Variants in AGA observed in about 807,000 individuals in gnomAD.
AGA encodes the protein aspartylglucosaminidase.
Under a neutral mutation model 40.1 loss-of-function variants are expected in AGA, and 31 were observed. The observed-to-expected ratio is 0.77, with a 90% CI of 0.58 to 1.04. The LOEUF (loss-of-function observed/expected upper bound fraction) is 1.04. AGA is among the 50% of genes least tolerant of loss of function. The pLI, the probability that AGA is intolerant of heterozygous loss-of-function variation, is 0.00. For missense variants in AGA, 445 were observed against 435.4 expected (o/e 1.02, Z -0.20); for synonymous variants, 148 against 144.0 (o/e 1.03, Z -0.20).
At position 177,442,341 on chromosome 4, in the gene AGA, A is replaced by G; in HGVS notation, c.35T>C (p.Val12Ala). The stretch of plus-strand genomic sequence containing the variant: ...TAGGGCCTGGCAGAGCAGAAACGGC[A>G]CGAGAAGCACAGGCAAGTTCGACTT... Reference protein sequence around the residue: ...ARKSNLPVLLVPFLLCQALVR... With the variant: ...ARKSNLPVLLAPFLLCQALVR... Residue 12 changes from valine (V) to alanine (A), a missense_variant, in exon 1 of 9, where the codon GTG becomes GCG. By Grantham distance (64) the Val-to-Ala change is moderately conservative. Coordinates refer to ENST00000264595, the MANE Select transcript of AGA (RefSeq NM_000027.4). 6.2e-7 allele frequency: 1 copy of G among 1,614,106 alleles called. No homozygotes were observed. The highest frequency in any genetic ancestry group is 8.5e-7 in the Non-Finnish European group (1 of 1,179,946).
chr4:177,432,420 T>G (rs1736661414), intron 8 of AGA, among the ~76,000 whole-genome samples: 2 of 152,210 alleles, frequency 1.3e-5, no homozygotes, highest in South Asian at 4.1e-4. Flanking sequence ...AAGGTTTATT[T>G]CTTAAGAGGG....
Position 177,439,632 on chromosome 4 carries a change from C to A in AGA, c.338G>T (p.Gly113Val). The A allele has an allele frequency of 6.2e-7, 1 of 1,612,746 alleles. No individual in the cohort carries two copies. Among genetic ancestry groups the A allele is most frequent in the Non-Finnish European group, 8.5e-7 (1 of 1,179,180 alleles). Residue 113 changes from glycine (G) to valine (V), a missense_variant, in exon 3 of 9, where the codon GGT becomes GTT. Transcript: ENST00000264595. ...GDLRRIKNAIGVARKVLEHTT... is the reference protein window; with the variant it reads ...GDLRRIKNAIVVARKVLEHTT... ...ATGTTCCAGTACTTTCCGTGCCACA[C>A]CAATAGCATTTTTAATTCGTCTGAG...
chr4:177,431,808 C>T lies in AGA; in HGVS notation c.941G>A (p.Gly314Asp). The T allele has an allele frequency of 1.2e-6, 2 of 1,612,796 alleles. No individual in the cohort carries two copies. Among genetic ancestry groups the T allele is most frequent in the African/African-American group, 1.3e-5 (1 of 74,968 alleles). The change falls in exon 9 of 9, where the codon GGT becomes GAT. Residue 314 changes from glycine to aspartate, a missense_variant and splice_region_variant. Transcript: ENST00000264595. ...TGTTGAAAGTTTATTGCAAGCAGCA[C>T]CTGGGGCCAAAAATGAGAAAGAAGT... ...VICANVTGSYGAACNKLSTFT... is the reference protein window; with the variant it reads ...VICANVTGSYDAACNKLSTFT...
rs1203635667 is a variant in AGA, at chr4:177,430,869, G to A, written c.*839C>T. 4.4e-6 allele frequency: 2 copies of A among 453,986 alleles called. No individual in the cohort carries two copies. Among genetic ancestry groups the A allele is most frequent in the African/African-American group, 2.0e-5 (1 of 50,008 alleles). The allele number at this position is 453,986 out of a possible 1,614,324, so 28.1% of individuals were successfully genotyped here. A position where few individuals can be genotyped will look rare whatever the true frequency, so the allele number is the denominator to read the frequency against. ...CTGAGAAAGCACGCGCACAACTTCT[G>A]TAGAGTTGTCATACAGAGAGTTAAT... On this transcript the variant is annotated 3_prime_UTR_variant, in exon 9 of 9. Transcript: ENST00000264595.
intron 7 of AGA, 42 bp downstream of exon 7, chr4:177,434,340 T>C: frequency 6.4e-7 from 1 of 1,561,258 alleles, no homozygotes; most frequent in Non-Finnish European, 8.8e-7. Context: ...AAAAAATATC[T>C]TCTCCAAAGG....
intron 6 of AGA, among the ~76,000 whole-genome samples, chr4:177,435,558 T>C (rs895073507): frequency 2.0e-5 from 3 of 152,198 alleles, no homozygotes; most frequent in Non-Finnish European, 4.4e-5. Context: ...TACCAGATTT[T>C]TTTCTAGTAA....
Position 177,431,794 on chromosome 4 carries a change from T to G in AGA, c.955A>C (p.Lys319Gln). The G allele has an allele frequency of 6.2e-7, 1 of 1,613,876 alleles. No individual in the cohort carries two copies. The highest frequency in any genetic ancestry group is 8.5e-7 in the Non-Finnish European group (1 of 1,179,806). The change falls in exon 9 of 9, where the codon AAA (lysine) becomes CAA (glutamine). Residue 319 changes from lysine to glutamine, a missense_variant. Lys to Gln is a moderately conservative substitution (Grantham distance 53). Coordinates refer to ENST00000264595, the MANE Select transcript of AGA (RefSeq NM_000027.4). ...CTAAACTGAGTAAATGTTGAAAGTT[T>G]ATTGCAAGCAGCACCTGGGGCCAAA... Reference protein sequence around the residue: ...VTGSYGAACNKLSTFTQFSFM... With the variant: ...VTGSYGAACNQLSTFTQFSFM...
intron 1 of AGA, among the ~76,000 whole-genome samples, chr4:177,441,392 G>A (rs1737004401): frequency 6.6e-6 from 1 of 152,142 alleles, no homozygotes; most frequent in South Asian, 2.1e-4. Flanking sequence ...AACCTCAGAT[G>A]GAGGAGGAGG....
At chr4:177,434,302 C>T (rs758868542) in intron 7 of AGA, 80 bp downstream of exon 7, 176 of 1,367,868 alleles carry the variant, frequency 1.3e-4, no homozygotes, top group Middle Eastern at 1.8e-4. Flanking sequence ...TGCACCCAGC[C>T]TCAAAAATTA....
At chr4:177,438,283 G>T (rs1387859137) in intron 4 of AGA, among the ~76,000 whole-genome samples, 1 of 152,072 alleles carries the variant, frequency 6.6e-6, no homozygotes, top group Non-Finnish European at 1.5e-5. Context: ...AAGGCAAACT[G>T]ATTTATGCCA....
At chr4:177,434,743 ATGGTG>A (rs1736753111) in intron 6 of AGA, among the ~76,000 whole-genome samples, 1 of 152,112 alleles carries the variant, frequency 6.6e-6, no homozygotes, top group Admixed American at 6.6e-5. Context: ...AGAGACTAAA[ATGGTG>A]GTTACTGGAG....
In AGA at chr4:177,439,565, T is replaced by TA. The variant is rs761207366; in HGVS notation, c.394+10dup. The TA allele has an allele frequency of 2.1e-5, 34 of 1,597,016 alleles. No individual in the cohort carries two copies. The highest frequency in any genetic ancestry group is 1.6e-4 in the African/African-American group (12 of 74,458). Reference sequence around the variant, plus strand: ...AGACTAGAAAAAATTTCAGTGTAGTTAAAAAAATACCTGACTCTCCTACTA... The same window carrying TA: ...AGACTAGAAAAAATTTCAGTGTAGTTAAAAAAAATACCTGACTCTCCTACTA... On this transcript the variant is annotated intron_variant, in intron 3 of 8. Coordinates refer to ENST00000264595, the MANE Select transcript of AGA (RefSeq NM_000027.4).
chr4:177,439,741 G>C (rs189207102), intron 2 of AGA, 53 bp from the exon 3 acceptor site: 3 of 1,314,046 alleles, frequency 2.3e-6, no homozygotes, highest in Admixed American at 3.4e-5. Context: ...GAGGTTCATA[G>C]ATTAAAAACA....
At position 177,437,837 on chromosome 4, in the gene AGA, A is replaced by G. The variant is rs1297746832; in HGVS notation, c.508-318T>C. On this transcript the variant is annotated intron_variant, in intron 4 of 8. Coordinates refer to ENST00000264595, the MANE Select transcript of AGA (RefSeq NM_000027.4). ...ATAGTAAAATTTTTTAAAATTAGAT[A>G]TTAATCCTTAAAGAAATTAGATACA... Among the ~76,000 whole-genome samples the G allele has an allele frequency of 2.0e-5, 3 of 152,316 alleles. No homozygotes were observed. In the East Asian group the frequency reaches 5.8e-4, roughly 29 times the overall value.
chr4:177,434,744 T>C (rs756207936), intron 6 of AGA, among the ~76,000 whole-genome samples: 2 of 152,024 alleles, frequency 1.3e-5, no homozygotes, highest in Non-Finnish European at 2.9e-5. Flanking sequence ...GAGACTAAAA[T>C]GGTGGTTACT....
chr4:177,434,317 C>T lies in AGA; in HGVS notation c.806+65G>A, dbSNP rs1041775869. The T allele has an allele frequency of 2.7e-6, 4 of 1,482,404 alleles. No individual in the cohort carries two copies. In the African/African-American group the frequency reaches 5.5e-5, roughly 21 times the overall value. The allele number at this position is 1,482,404 out of a possible 1,614,324, so 91.8% of individuals were successfully genotyped here. On this transcript the variant is annotated intron_variant, in intron 7 of 8. Coordinates refer to ENST00000264595, the MANE Select transcript of AGA (RefSeq NM_000027.4). The stretch of plus-strand genomic sequence containing the variant: ...TGCACCCAGCCTCAAAAATTATTTT[C>T]TATCTTAAAAGAAAAAAATATCTTC...
intron 8 of AGA, among the ~76,000 whole-genome samples, chr4:177,432,756 A>C (rs181160091): frequency 6.6e-6 from 1 of 152,308 alleles, no homozygotes; most frequent in Non-Finnish European, 1.5e-5. Flanking sequence ...TGCAAAAATA[A>C]TTCTGCTAAC....
intron 5 of AGA, 29 bp downstream of exon 5, chr4:177,437,376 C>G (rs1465440367): frequency 7.0e-7 from 1 of 1,425,966 alleles, no homozygotes; most frequent in East Asian, 2.3e-5. Flanking sequence ...TAAACTTTAT[C>G]CATAAAAACT....
chr4:177,434,763 G>T (rs777785392), intron 6 of AGA, among the ~76,000 whole-genome samples: 14 of 152,168 alleles, frequency 9.2e-5, no homozygotes, highest in Non-Finnish European at 4.4e-5. Context: ...CTGGAGGCTG[G>T]GGGGAGGGGG....
Sources: gnomAD v4.1 joint callset for allele counts (sites outside exome capture counted in the v4.1 genomes callset) on GRCh38, gnomAD v4.1.1 for gene constraint, MANE v1.5 for transcripts, NCBI Gene and HGNC (gene_info 2026-07-23, HGNC 2026-07-21) for gene names.